CACNA1H: variants seen among roughly 807,000 people sequenced by gnomAD.
CACNA1H encodes the protein voltage-dependent T-type calcium channel subunit alpha-1H.
Under a neutral mutation model 192.5 loss-of-function variants are expected in CACNA1H, and 149 were observed. That is an observed-to-expected ratio of 0.77 (90% confidence interval 0.68 to 0.89). CACNA1H has a LOEUF of 0.89. Ranked by LOEUF, CACNA1H falls within the 40% of genes least tolerant of loss-of-function variation. The pLI, the probability that CACNA1H is intolerant of heterozygous loss-of-function variation, is 0.00. For synonymous variants in CACNA1H, 2,202 were observed against 1,475.2 expected, an observed-to-expected ratio of 1.49 and a Z score of -11.29; for missense variants, 4,257 against 3,423.5, an observed-to-expected ratio of 1.24 and a Z score of -6.08.
chr16:1,164,394 G>A (rs1337917691), intron 2 of CACNA1H, among the ~76,000 whole-genome samples: 3 of 152,120 alleles, frequency 2.0e-5, no homozygotes, highest in Non-Finnish European at 4.4e-5. Flanking sequence ...GTGCAGTGGT[G>A]CAGTCACCCC....
chr16:1,165,308 C>T (rs1378368980), intron 2 of CACNA1H, among the ~76,000 whole-genome samples: 2 of 152,202 alleles, frequency 1.3e-5, no homozygotes, highest in South Asian at 4.1e-4. Flanking sequence ...GGCTCAGAAT[C>T]GGCAGACCCA....
chr16:1,219,246 G>T, intron 34 of CACNA1H, 116 bp downstream of exon 34: 2 of 1,027,710 alleles, frequency 1.9e-6, no homozygotes, highest in Non-Finnish European at 1.4e-6. Context: ...GGGTCGCACT[G>T]GGTCCTTGGG....
intron 20 of CACNA1H, 33 bp from the exon 21 acceptor site, chr16:1,210,754 G>A (rs747737114): frequency 5.0e-6 from 8 of 1,595,986 alleles, no homozygotes; most frequent in Non-Finnish European, 5.1e-6. Flanking sequence ...CCCCACGCCT[G>A]AGCCTGAGCT....
intron 2 of CACNA1H, among the ~76,000 whole-genome samples, chr16:1,175,285 C>T (rs1363983134): frequency 2.0e-5 from 3 of 152,288 alleles, no homozygotes; most frequent in Non-Finnish European, 4.4e-5. Flanking sequence ...GGAAGCCCTC[C>T]TGCATGTGGG....
At chr16:1,174,342 G>A (rs1360821455) in intron 2 of CACNA1H, among the ~76,000 whole-genome samples, 3 of 152,200 alleles carry the variant, frequency 2.0e-5, no homozygotes, top group Admixed American at 2.0e-4. Context: ...CAGAGCCCAG[G>A]ATATGGAGGT....
chr16:1,191,876 C>T (rs571246823), intron 2 of CACNA1H, among the ~76,000 whole-genome samples: 4 of 151,124 alleles, frequency 2.6e-5, no homozygotes, highest in African/African-American at 9.8e-5. Context: ...TTTTGGTGAC[C>T]CAGCAGGCTG....
At chr16:1,164,664 G>A (rs1312971722) in intron 2 of CACNA1H, among the ~76,000 whole-genome samples, 2 of 152,250 alleles carry the variant, frequency 1.3e-5, no homozygotes, top group African/African-American at 4.8e-5. Context: ...AAACCTGGGA[G>A]TGAGGCCTTT....
In CACNA1H at chr16:1,218,963, G is replaced by T. The variant is rs1567556328; in HGVS notation, c.5888-7G>T. The T allele has an allele frequency of 6.5e-7, 1 of 1,549,812 alleles. No homozygotes were observed. The highest frequency in any genetic ancestry group is 1.4e-5 in the African/African-American group (1 of 73,116). On this transcript the variant is annotated splice_region_variant and splice_polypyrimidine_tract_variant and intron_variant, in intron 33 of 34. Coordinates refer to ENST00000348261, the MANE Select transcript of CACNA1H (RefSeq NM_021098.3). ...GAGCTGCCAGCTTAGATTCTTCCCT[G>T]CCCCAGGCTCCGTTGCCTCTGTGCA...
At chr16:1,210,516 C>G (rs781439736) in intron 19 of CACNA1H, 23 bp downstream of exon 19, 2 of 1,610,984 alleles carry the variant, frequency 1.2e-6, no homozygotes, top group South Asian at 1.1e-5. Flanking sequence ...ACCCCATCGT[C>G]CCGGGCCACC....
At chr16:1,201,304 G>A (rs1244682358) in intron 8 of CACNA1H, among the ~76,000 whole-genome samples, 1 of 152,152 alleles carries the variant, frequency 6.6e-6, no homozygotes, top group Non-Finnish European at 1.5e-5. Flanking sequence ...CTTGCTGCAC[G>A]CTGGTCCATG....
At chr16:1,166,015 G>T (rs1030230564) in intron 2 of CACNA1H, among the ~76,000 whole-genome samples, 1 of 152,210 alleles carries the variant, frequency 6.6e-6, no homozygotes, top group African/African-American at 2.4e-5. Flanking sequence ...GGTCCTCCTC[G>T]TCCTGTTGGC....
intron 34 of CACNA1H, 39 bp downstream of exon 34, chr16:1,219,169 G>C (rs768826821): frequency 6.7e-6 from 10 of 1,483,410 alleles, no homozygotes; most frequent in Non-Finnish European, 8.1e-6. Flanking sequence ...GGCTGGCGGG[G>C]ATGGGGGGCT....
intron 2 of CACNA1H, among the ~76,000 whole-genome samples, chr16:1,169,859 T>C (rs1964187562): frequency 6.6e-6 from 1 of 152,338 alleles, no homozygotes; most frequent in Admixed American, 6.5e-5. Flanking sequence ...AGGCCGGACA[T>C]GGGCGTGTGC....
At chr16:1,158,782 G>A (rs934400368) in intron 2 of CACNA1H, among the ~76,000 whole-genome samples, 5 of 151,858 alleles carry the variant, frequency 3.3e-5, no homozygotes, top group Non-Finnish European at 7.4e-5. Flanking sequence ...TTCCACAACC[G>A]CTCCTGCCCC....
intron 9 of CACNA1H, among the ~76,000 whole-genome samples, chr16:1,203,029 C>T: frequency 6.6e-6 from 1 of 151,560 alleles, no homozygotes; most frequent in East Asian, 1.9e-4. Context: ...GGCCTGGGGG[C>T]CCTTCCTGGT....
At chr16:1,164,412 C>G (rs983842807) in intron 2 of CACNA1H, among the ~76,000 whole-genome samples, 1 of 152,150 alleles carries the variant, frequency 6.6e-6, no homozygotes, top group Non-Finnish European at 1.5e-5. Context: ...CCCTCACTGC[C>G]ACCTCGATCT....
intron 16 of CACNA1H, 59 bp downstream of exon 16, chr16:1,208,280 C>T (rs1968995075): frequency 2.2e-5 from 27 of 1,239,218 alleles, no homozygotes; most frequent in Non-Finnish European, 3.0e-5. Context: ...TGCCTGGCTC[C>T]TTATGGCCTT....
At chr16:1,185,593 G>A (rs1205115498) in intron 2 of CACNA1H, among the ~76,000 whole-genome samples, 1 of 81,040 alleles carries the variant, frequency 1.2e-5, no homozygotes. Flanking sequence ...GTGAGTAGAC[G>A]GTCAGCGTGC....
intron 2 of CACNA1H, among the ~76,000 whole-genome samples, chr16:1,188,899 G>C (rs1184812885): frequency 6.6e-6 from 1 of 152,202 alleles, no homozygotes; most frequent in Non-Finnish European, 1.5e-5. Flanking sequence ...AGCAGCCGCT[G>C]CAGCACTGCC....
Sources: gnomAD v4.1 joint callset for allele counts (sites outside exome capture counted in the v4.1 genomes callset) on GRCh38, gnomAD v4.1.1 for gene constraint, MANE v1.5 for transcripts, NCBI Gene and HGNC (gene_info 2026-07-23, HGNC 2026-07-21) for gene names.